ANKS1B: variants seen among roughly 807,000 people sequenced by gnomAD.
ANKS1B encodes ankyrin repeat and sterile alpha motif domain-containing protein 1B.
A neutral mutation model predicts 148.3 loss-of-function variants in ANKS1B; 36 were observed. The observed-to-expected ratio is 0.24, with a 90% CI of 0.19 to 0.32. The LOEUF is 0.32. Ranked by LOEUF, ANKS1B falls within the 10% of genes least tolerant of loss-of-function variation. The pLI is 1.00. For missense variants in ANKS1B, 1,157 were observed against 1,542.6 expected, an observed-to-expected ratio of 0.75 and a Z score of 4.19; for synonymous variants, 542 against 560.8, an observed-to-expected ratio of 0.97 and a Z score of 0.47.
chr12:99,715,512 C>T (rs559301230), intron 8 of ANKS1B, among the ~76,000 whole-genome samples: 8 of 152,210 alleles, frequency 5.3e-5, no homozygotes, highest in African/African-American at 9.6e-5. Flanking sequence ...GGACTCAGCC[C>T]GCCTGCACCC....
At chr12:98,950,672 C>T (rs2099852803) in intron 17 of ANKS1B, among the ~76,000 whole-genome samples, 1 of 152,120 alleles carries the variant, frequency 6.6e-6, no homozygotes, top group East Asian at 1.9e-4. Flanking sequence ...GAAAATAACC[C>T]CCAGGTAATT....
At chr12:99,845,735 T>C (rs1026109769) in intron 1 of ANKS1B, among the ~76,000 whole-genome samples, 2 of 152,154 alleles carry the variant, frequency 1.3e-5, no homozygotes, top group African/African-American at 2.4e-5. Flanking sequence ...GCTGGCCTCA[T>C]AGAACGAGGT....
intron 9 of ANKS1B, among the ~76,000 whole-genome samples, chr12:99,559,594 TTGA>T (rs1456293359): frequency 6.6e-6 from 1 of 152,222 alleles, no homozygotes; most frequent in African/African-American, 2.4e-5. Context: ...TTATATTAAC[TTGA>T]TGATTTATAG....
intron 22 of ANKS1B, among the ~76,000 whole-genome samples, chr12:98,792,185 A>G (rs1024836603): frequency 1.3e-5 from 2 of 152,196 alleles, no homozygotes; most frequent in African/African-American, 4.8e-5. Flanking sequence ...ACCTAAATAC[A>G]CTAGATTTGC....
intron 9 of ANKS1B, among the ~76,000 whole-genome samples, chr12:99,647,298 C>T (rs904435810): frequency 2.0e-5 from 3 of 152,150 alleles, no homozygotes; most frequent in African/African-American, 7.2e-5. Context: ...TGTCCCGTCA[C>T]AGAAGCTCCA....
chr12:98,939,076 C>A (rs970598256), intron 17 of ANKS1B, among the ~76,000 whole-genome samples: 4 of 152,176 alleles, frequency 2.6e-5, no homozygotes, highest in African/African-American at 4.8e-5. Flanking sequence ...GAGTAAGGTG[C>A]CAAATTAGAC....
chr12:99,255,115 T>G (rs2075103115), intron 12 of ANKS1B, among the ~76,000 whole-genome samples: 1 of 152,200 alleles, frequency 6.6e-6, no homozygotes, highest in Non-Finnish European at 1.5e-5. Flanking sequence ...ACCTTTAAAA[T>G]CATCTAGACT....
intron 1 of ANKS1B, among the ~76,000 whole-genome samples, chr12:99,959,590 T>C (rs921439215): frequency 3.9e-5 from 6 of 152,334 alleles, no homozygotes; most frequent in Non-Finnish European, 8.8e-5. Flanking sequence ...TTACTTTGCT[T>C]AAGCAGTCTG....
At chr12:99,844,264 T>G (rs1489323599) in intron 1 of ANKS1B, among the ~76,000 whole-genome samples, 1 of 152,224 alleles carries the variant, frequency 6.6e-6, no homozygotes, top group Non-Finnish European at 1.5e-5. Context: ...TTTGTCAATT[T>G]TTGCTTTTGT....
At chr12:99,329,856 G>A (rs74915941) in intron 12 of ANKS1B, among the ~76,000 whole-genome samples, 36 of 151,836 alleles carry the variant, frequency 2.4e-4, no homozygotes, top group Non-Finnish European at 4.3e-4. Flanking sequence ...TGTGATGAAC[G>A]TTTTTCAAAG....
chr12:98,811,108 A>G (rs753380236), intron 19 of ANKS1B, among the ~76,000 whole-genome samples: 9 of 152,152 alleles, frequency 5.9e-5, no homozygotes, highest in Non-Finnish European at 1.3e-4. Flanking sequence ...ATGGTCTCCC[A>G]TGTGCTCTAC....
chr12:99,118,743 T>C (rs1487326079), intron 15 of ANKS1B, among the ~76,000 whole-genome samples: 1 of 152,180 alleles, frequency 6.6e-6, no homozygotes, highest in African/African-American at 2.4e-5. Flanking sequence ...AGAAAATGAA[T>C]GAGCAGTCAA....
chr12:99,436,537 T>C (rs1318991748), intron 11 of ANKS1B, among the ~76,000 whole-genome samples: 1 of 152,086 alleles, frequency 6.6e-6, no homozygotes, highest in African/African-American at 2.4e-5. Flanking sequence ...GTTTTTTACA[T>C]ACCCACTCTC....
At chr12:99,074,588 C>T (rs1050448053) in intron 16 of ANKS1B, among the ~76,000 whole-genome samples, 3 of 152,128 alleles carry the variant, frequency 2.0e-5, no homozygotes, top group Non-Finnish European at 2.9e-5. Flanking sequence ...TTCCTTCTCT[C>T]GATGTGACCC....
intron 9 of ANKS1B, among the ~76,000 whole-genome samples, chr12:99,629,199 C>T (rs527606163): frequency 1.3e-5 from 2 of 152,248 alleles, no homozygotes; most frequent in South Asian, 2.1e-4. Context: ...TTGCCATAGA[C>T]CATCCATTCA....
At chr12:99,226,627 A>G (rs139772976) in intron 14 of ANKS1B, among the ~76,000 whole-genome samples, 1 of 152,228 alleles carries the variant, frequency 6.6e-6, no homozygotes, top group African/African-American at 2.4e-5. Context: ...TGATGGCTAC[A>G]GCAGAGAAAA....
At chr12:99,498,774 G>A (rs148911567) in intron 10 of ANKS1B, among the ~76,000 whole-genome samples, 73 of 152,072 alleles carry the variant, frequency 4.8e-4, no homozygotes, top group African/African-American at 1.7e-3. Context: ...TAAAAGACTC[G>A]TGTGCATCAA....
At chr12:99,202,068 G>T (rs2082132368) in intron 14 of ANKS1B, among the ~76,000 whole-genome samples, 1 of 152,198 alleles carries the variant, frequency 6.6e-6, no homozygotes, top group Non-Finnish European at 1.5e-5. Flanking sequence ...GAACTCAACA[G>T]AGTACATTGG....
intron 14 of ANKS1B, among the ~76,000 whole-genome samples, chr12:99,193,793 CTTTTTTTT>C (rs34024548): frequency 1.5e-5 from 1 of 66,800 alleles, no homozygotes; most frequent in East Asian, 5.6e-4. Flanking sequence ...ATTTCTAGTT[CTTTTTTTT>C]TTTTTTTTTT....
Sources: allele counts gnomAD v4.1 joint callset (sites outside exome capture counted in the v4.1 genomes callset), GRCh38; gene constraint gnomAD v4.1.1; transcripts MANE v1.5; gene names NCBI Gene and HGNC (gene_info 2026-07-23, HGNC 2026-07-21).